Variants in GBF1 observed in about 807,000 individuals in gnomAD.
GBF1 encodes Golgi-specific brefeldin A-resistance guanine nucleotide exchange factor 1.
A neutral mutation model predicts 210.5 loss-of-function variants in GBF1; 114 were observed. The ratio of observed to expected loss-of-function variants is 0.54; its 90% CI spans 0.47 to 0.63. The LOEUF (loss-of-function observed/expected upper bound fraction) is 0.63. Ranked by LOEUF, GBF1 falls within the 30% of genes least tolerant of loss-of-function variation. The probability of loss-of-function intolerance (pLI) is 0.00; values close to 1 mark genes in which losing one functional copy is unlikely to be tolerated. For synonymous variants in GBF1, 850 were observed against 889.2 expected, an observed-to-expected ratio of 0.96 and a Z score of 0.78; for missense variants, 1,851 against 2,357.7, an observed-to-expected ratio of 0.79 and a Z score of 4.45.
chr10:102,382,305 C>G lies in GBF1; in HGVS notation c.5552C>G (p.Thr1851Arg). 1 of 1,612,978 alleles carries G rather than the reference C, an allele frequency of 6.2e-7. No homozygotes were observed. Among genetic ancestry groups the G allele is most frequent in the Non-Finnish European group, 8.5e-7 (1 of 1,179,392 alleles). Residue 1851 changes from threonine (T) to arginine (R), a missense_variant, in exon 40 of 40, where the codon ACA becomes AGA. This residue lies in a region of GBF1 where 967 missense variants were observed against 1,247.7 expected (regional missense o/e 0.78). Coordinates refer to ENST00000369983, the MANE Select transcript of GBF1 (RefSeq NM_001377137.1). ...PVPLLATPRP[T>R]DPIPTSEVN is the part of the protein sequence containing the mutation. ...CCCCTCCTGGCCACACCCCGCCCCA[C>G]AGATCCCATACCCACCTCTGAGGTC...
chr10:102,272,880 A>G (rs1168954940), intron 3 of GBF1, among the ~76,000 whole-genome samples: 5 of 152,242 alleles, frequency 3.3e-5, no homozygotes, highest in Non-Finnish European at 7.4e-5. Flanking sequence ...AATTACAGAT[A>G]TGTTTTTTTC....
In GBF1 at chr10:102,376,276, C is replaced by G. The variant is rs771149656; in HGVS notation, c.3891C>G (p.Ala1297=). 1.9e-6 allele frequency: 3 copies of G among 1,613,706 alleles called. No homozygotes were observed. The highest frequency in any genetic ancestry group is 2.5e-6 in the Non-Finnish European group (3 of 1,179,662). ...CCTTCTCCCTGCCTACCATAGGGGCCCAGTCAGATAGTGAGCTCCCATCCT... is the reference window on the plus strand; with the variant it reads ...CCTTCTCCCTGCCTACCATAGGGGCGCAGTCAGATAGTGAGCTCCCATCCT... ...TARADAPDAG[A]QSDSELPSYH... is the part of the protein sequence containing the mutation. Residue 1297 remains alanine, a synonymous_variant, in exon 31 of 40, where the codon GCC becomes GCG. Coordinates refer to ENST00000369983, the MANE Select transcript of GBF1 (RefSeq NM_001377137.1).
At chr10:102,300,795 G>A (rs972721967) in intron 3 of GBF1, among the ~76,000 whole-genome samples, 1 of 152,114 alleles carries the variant, frequency 6.6e-6, no homozygotes, top group East Asian at 1.9e-4. Context: ...TTGTACATAT[G>A]TGACTAAGTT....
intron 3 of GBF1, among the ~76,000 whole-genome samples, chr10:102,314,067 G>T (rs1342106313): frequency 1.3e-5 from 2 of 148,694 alleles, no homozygotes; most frequent in Non-Finnish European, 3.0e-5. Context: ...GAGAAAAAAA[G>T]AAACCATATA....
rs2060126505 is a variant in GBF1, at chr10:102,370,154, C to T, written c.3340-20C>T. 1 of 1,595,638 alleles carries T rather than the reference C, an allele frequency of 6.3e-7. No individual in the cohort carries two copies. ...CTTCAGCCTTTGTCAAAGACCCCCT[C>T]TCTCTTTTGCCCTCTCTAGCAATGT... On this transcript the variant is annotated intron_variant, in intron 26 of 39. Coordinates refer to ENST00000369983, the MANE Select transcript of GBF1 (RefSeq NM_001377137.1).
chr10:102,346,911 C>T (rs1034475414), intron 4 of GBF1, among the ~76,000 whole-genome samples: 2 of 152,044 alleles, frequency 1.3e-5, no homozygotes, highest in Non-Finnish European at 1.5e-5. Context: ...TGTAGGAGTT[C>T]TTTGTATGGT....
chr10:102,341,932 AT>A (rs1239395310), intron 3 of GBF1, among the ~76,000 whole-genome samples: 1 of 152,110 alleles, frequency 6.6e-6, no homozygotes, highest in Non-Finnish European at 1.5e-5. Context: ...CTAGACTTTT[AT>A]ATGTCAAATA....
intron 3 of GBF1, among the ~76,000 whole-genome samples, chr10:102,302,882 A>G (rs2077505079): frequency 6.6e-6 from 1 of 151,844 alleles, no homozygotes. Flanking sequence ...CGTGGCCCAA[A>G]CTGTCGTTAG....
In GBF1 at chr10:102,338,239, T is replaced by TC. The variant is rs200945805; in HGVS notation, c.164-5812_164-5811insC. On this transcript the variant is annotated intron_variant, in intron 3 of 39. Transcript: ENST00000369983. ...TCATAGATTCCAACAACCTTCTTCT[T>TC]TTTTTTTTTTTTTTTTTTTGAGACA... 9.4e-3 allele frequency among the ~76,000 whole-genome samples: 1,314 copies of TC among 140,334 alleles called. 14 individuals are homozygous for TC. Among genetic ancestry groups the TC allele is most frequent in the African/African-American group, 0.034 (1,249 of 37,076 alleles). The allele number at this position is 140,334 out of a possible 152,430, so 92.1% of individuals were successfully genotyped here. A position where few individuals can be genotyped will look rare whatever the true frequency, so the allele number is the denominator to read the frequency against.
intron 3 of GBF1, among the ~76,000 whole-genome samples, chr10:102,280,516 C>T (rs993265632): frequency 2.6e-5 from 4 of 152,168 alleles, no homozygotes; most frequent in African/African-American, 9.7e-5. Context: ...GGCTTGCTAG[C>T]ATTAACAGAG....
At chr10:102,264,167 CA>C (rs1318401857) in intron 3 of GBF1, among the ~76,000 whole-genome samples, 1 of 152,154 alleles carries the variant, frequency 6.6e-6, no homozygotes, top group Non-Finnish European at 1.5e-5. Context: ...AATCATATCT[CA>C]GTTTATAAAG....
intron 3 of GBF1, among the ~76,000 whole-genome samples, chr10:102,272,189 C>T (rs865823436): frequency 1.3e-5 from 2 of 152,066 alleles, no homozygotes; most frequent in African/African-American, 2.4e-5. Flanking sequence ...TCACTGCAAC[C>T]TCACTCCCAG....
At chr10:102,300,784 G>A (rs2077270762) in intron 3 of GBF1, among the ~76,000 whole-genome samples, 1 of 152,112 alleles carries the variant, frequency 6.6e-6, no homozygotes, top group Non-Finnish European at 1.5e-5. Context: ...TTTATAGCTT[G>A]TTGTACATAT....
chr10:102,362,237 TA>T (rs2059656895), intron 14 of GBF1, among the ~76,000 whole-genome samples: 1 of 151,624 alleles, frequency 6.6e-6, no homozygotes. Flanking sequence ...TTTGTATTTT[TA>T]GCAGAGACGG....
At chr10:102,252,906 A>G (rs918413287) in intron 1 of GBF1, among the ~76,000 whole-genome samples, 6 of 150,870 alleles carry the variant, frequency 4.0e-5, no homozygotes, top group African/African-American at 1.5e-4. Flanking sequence ...TATTATTATT[A>G]TTTTTTGAGC....
In GBF1 at chr10:102,368,314, C is replaced by T. The variant is rs2060018550; in HGVS notation, c.2739C>T (p.Gly913=). Residue 913 remains glycine (G), a synonymous_variant, in exon 22 of 40, where the codon GGC becomes GGT. Coordinates refer to ENST00000369983, the MANE Select transcript of GBF1 (RefSeq NM_001377137.1). ...TTCATCGAGGTGCCACCCCTGAGGG[C>T]ATATTCCTGCGTGTGCCTACTGCCA... ...VLLHRGATPE[G]IFLRVPTASY... The T allele has an allele frequency of 1.2e-6, 2 of 1,613,694 alleles. No homozygotes were observed. The highest frequency in any genetic ancestry group is 1.3e-5 in the African/African-American group (1 of 74,930).
rs1408873872 is a variant in GBF1 at position 102,321,907 on chromosome 10, G to A, written c.164-22144G>A. Among the ~76,000 whole-genome samples, 3 of 152,210 alleles carry A rather than the reference G, an allele frequency of 2.0e-5. No homozygotes were observed. The East Asian group carries it at 5.8e-4, about 29-fold the overall frequency. ...AGGGTCTTGCTCTGTCACCCAGGCT[G>A]GAGTACAGTGGTGCAGTCACAGCTC... is the stretch of plus-strand genomic sequence containing the variant. On this transcript the variant is annotated intron_variant, in intron 3 of 39. Transcript: ENST00000369983.
At chr10:102,293,764 G>GCTTTTTTTTT (rs2076640604) in intron 3 of GBF1, among the ~76,000 whole-genome samples, 1 of 50,888 alleles carries the variant, frequency 2.0e-5, no homozygotes, top group Non-Finnish European at 4.2e-5. Flanking sequence ...GCTGTAGTAT[G>GCTTTTTTTTT]TTTTGTGTTT....
intron 8 of GBF1, among the ~76,000 whole-genome samples, chr10:102,356,561 C>T (rs1471529206): frequency 2.0e-5 from 3 of 151,948 alleles, no homozygotes; most frequent in African/African-American, 4.8e-5. Context: ...GTCAGGAGAT[C>T]GAGACCATCC....
Sources: allele counts gnomAD v4.1 joint callset (sites outside exome capture counted in the v4.1 genomes callset), GRCh38; gene constraint gnomAD v4.1.1; regional missense constraint gnomAD v4.1.1; transcripts MANE v1.5; gene names NCBI Gene and HGNC (gene_info 2026-07-23, HGNC 2026-07-21).